EPHA6: variants seen among roughly 807,000 people sequenced by gnomAD.
EPHA6 encodes ephrin type-A receptor 6.
EPHA6 carries 50 observed loss-of-function variants against 112.0 expected under a neutral mutation model. The ratio of observed to expected loss-of-function variants is 0.45; its 90% CI spans 0.36 to 0.56. EPHA6 has a LOEUF of 0.56. Ranked by LOEUF, EPHA6 falls within the 20% of genes least tolerant of loss-of-function variation. EPHA6 has a pLI of 0.00. For synonymous variants in EPHA6, 529 were observed against 490.7 expected, an observed-to-expected ratio of 1.08 and a Z score of -1.03; for missense variants, 1,280 against 1,417.4, an observed-to-expected ratio of 0.90 and a Z score of 1.56.
chr3:97,217,380 T>C (rs532136705), intron 3 of EPHA6, among the ~76,000 whole-genome samples: 12 of 152,022 alleles, frequency 7.9e-5, no homozygotes, highest in East Asian at 1.9e-4. Flanking sequence ...AAGAGGAAAA[T>C]AACAAAGACA....
chr3:97,668,569 A>G (rs2030408490), intron 14 of EPHA6, among the ~76,000 whole-genome samples: 1 of 152,074 alleles, frequency 6.6e-6, no homozygotes, highest in Non-Finnish European at 1.5e-5. Flanking sequence ...CTTGAATACC[A>G]CTAATTCCAC....
rs912645678 is a variant in EPHA6, at chr3:96,866,813, A to G, written c.386-12A>G. The stretch of plus-strand genomic sequence containing the variant: ...GAAATTCATGGAATTTTTATTTTCT[A>G]TTTAATTCCAGTTGTGTTGCTTGAT... On this transcript the variant is annotated splice_polypyrimidine_tract_variant and intron_variant, in intron 1 of 17. Coordinates refer to ENST00000389672, the MANE Select transcript of EPHA6 (RefSeq NM_001080448.3). 2.7e-5 allele frequency: 38 copies of G among 1,429,602 alleles called. No homozygotes were observed. The highest frequency in any genetic ancestry group is 3.2e-5 in the South Asian group (2 of 63,220). 88.6% of individuals were successfully genotyped at this position (1,429,602 alleles called of 1,614,324 possible).
rs1019068927 is a variant in EPHA6, at chr3:97,755,169, C to T, written c.*6468C>T. 1.3e-5 allele frequency among the ~76,000 whole-genome samples: 2 copies of T among 152,072 alleles called. No individual in the cohort carries two copies. Among genetic ancestry groups the T allele is most frequent in the Non-Finnish European group, 2.9e-5 (2 of 67,990 alleles). On this transcript the variant is annotated 3_prime_UTR_variant, in exon 18 of 18. Transcript: ENST00000389672. ...CCTTAGACACAACTAATTCATTCCTCAGAATAACAAAGGTATTAAAGAAAA... is the reference window on the plus strand; with the variant it reads ...CCTTAGACACAACTAATTCATTCCTTAGAATAACAAAGGTATTAAAGAAAA...
intron 10 of EPHA6, among the ~76,000 whole-genome samples, chr3:97,491,782 G>GT (rs1015857096): frequency 3.9e-5 from 6 of 151,918 alleles, no homozygotes; most frequent in South Asian, 2.1e-4. Flanking sequence ...CCTGTGAGTT[G>GT]TTTGAGTAGG....
intron 6 of EPHA6, among the ~76,000 whole-genome samples, chr3:97,418,725 G>A (rs943562597): frequency 1.3e-5 from 2 of 152,028 alleles, no homozygotes; most frequent in Admixed American, 6.5e-5. Context: ...AGTATAAGAA[G>A]CAAGATGTGA....
intron 5 of EPHA6, among the ~76,000 whole-genome samples, chr3:97,259,989 C>T (rs1038868906): frequency 3.3e-5 from 5 of 152,010 alleles, no homozygotes; most frequent in Non-Finnish European, 7.4e-5. Context: ...TCAGTAGAGA[C>T]AGGGTTTCAC....
chr3:97,194,014 CA>C (rs1206135572), intron 3 of EPHA6, among the ~76,000 whole-genome samples: 1 of 151,662 alleles, frequency 6.6e-6, no homozygotes, highest in African/African-American at 2.4e-5. Context: ...CTTATTTATT[CA>C]AAAAAACAAC....
intron 10 of EPHA6, among the ~76,000 whole-genome samples, chr3:97,529,786 C>G (rs1313708505): frequency 6.6e-6 from 1 of 151,966 alleles, no homozygotes; most frequent in Non-Finnish European, 1.5e-5. Flanking sequence ...TATTTAGTAC[C>G]ACTGAAATAA....
chr3:96,904,499 C>T (rs917340265), intron 2 of EPHA6, among the ~76,000 whole-genome samples: 1 of 150,100 alleles, frequency 6.7e-6, no homozygotes, highest in Non-Finnish European at 1.5e-5. Context: ...GGAGATATAC[C>T]TAATGCTAAA....
Position 96,823,945 on chromosome 3 carries a change from A to G in EPHA6, c.385+8937A>G, listed in dbSNP as rs548551953. On this transcript the variant is annotated intron_variant, in intron 1 of 17. Coordinates refer to ENST00000389672, the MANE Select transcript of EPHA6 (RefSeq NM_001080448.3). Reference sequence around the variant, plus strand: ...TTAGAAAATTAGTGGAAATTAGCATACTCCAATTTTATTGTTATTTTTACG... The same window carrying G: ...TTAGAAAATTAGTGGAAATTAGCATGCTCCAATTTTATTGTTATTTTTACG... 5.1e-4 allele frequency among the ~76,000 whole-genome samples: 78 copies of G among 151,814 alleles called. 1 individual carries two copies. The highest frequency in any genetic ancestry group is 3.4e-3 in the Middle Eastern group (1 of 294).
chr3:97,353,949 G>A (rs534393481), intron 5 of EPHA6, among the ~76,000 whole-genome samples: 3 of 152,298 alleles, frequency 2.0e-5, no homozygotes, highest in African/African-American at 7.2e-5. Context: ...CCATTTGTTT[G>A]AGGGAAAGTA....
At chr3:97,648,735 G>A (rs917425265) in intron 14 of EPHA6, among the ~76,000 whole-genome samples, 1 of 152,138 alleles carries the variant, frequency 6.6e-6, no homozygotes, top group African/African-American at 2.4e-5. Flanking sequence ...AAGATTAAAG[G>A]TTTCAATTAC....
intron 3 of EPHA6, among the ~76,000 whole-genome samples, chr3:97,202,500 T>C (rs894832360): frequency 6.6e-6 from 1 of 151,838 alleles, no homozygotes; most frequent in Non-Finnish European, 1.5e-5. Context: ...CCCGGCTAGG[T>C]TTTTTGTATT....
chr3:97,612,609 A>C, intron 13 of EPHA6: 1 of 211,852 alleles, frequency 4.7e-6, no homozygotes, highest in Non-Finnish European at 9.9e-6. Flanking sequence ...ACATGTTTAG[A>C]AGTAGTGTAT....
chr3:96,911,212 T>TCTTA (rs2039196933), intron 2 of EPHA6, among the ~76,000 whole-genome samples: 4 of 152,036 alleles, frequency 2.6e-5, no homozygotes, highest in Non-Finnish European at 5.9e-5. Context: ...TCAGAAAAAT[T>TCTTA]AAGACATCAG....
intron 1 of EPHA6, among the ~76,000 whole-genome samples, chr3:96,830,020 A>C (rs990738204): frequency 9.2e-5 from 14 of 151,466 alleles, no homozygotes; most frequent in Non-Finnish European, 1.6e-4. Flanking sequence ...CCATAAACTT[A>C]AGTTCTTTTT....
rs73133023 is a variant in EPHA6 at position 97,205,790 on chromosome 3, G to A, written c.1115-20474G>A. Among the ~76,000 whole-genome samples the A allele has an allele frequency of 7.1e-3, 1,084 of 152,148 alleles. 6 individuals carry two copies. Among genetic ancestry groups the A allele is most frequent in the Middle Eastern group, 0.034 (10 of 294 alleles). On this transcript the variant is annotated intron_variant, in intron 3 of 17. Coordinates refer to ENST00000389672, the MANE Select transcript of EPHA6 (RefSeq NM_001080448.3). ...CAATGAAAATTTTTGTGGGCTGATT[G>A]ACCTTAGGTAGTTAACTTTTAATCA...
chr3:97,395,393 T>G (rs1354709352), intron 5 of EPHA6, among the ~76,000 whole-genome samples: 2 of 151,848 alleles, frequency 1.3e-5, no homozygotes, highest in African/African-American at 2.4e-5. Context: ...AGAAGTATTT[T>G]GAAACATGTT....
intron 2 of EPHA6, among the ~76,000 whole-genome samples, chr3:96,983,159 A>T (rs2042872734): frequency 6.6e-6 from 1 of 152,140 alleles, no homozygotes; most frequent in South Asian, 2.1e-4. Context: ...GATGGTCTTT[A>T]CAATCTGGCA....
Sources: allele counts gnomAD v4.1 joint callset (sites outside exome capture counted in the v4.1 genomes callset), GRCh38; gene constraint gnomAD v4.1.1; transcripts MANE v1.5; gene names NCBI Gene and HGNC (gene_info 2026-07-23, HGNC 2026-07-21).